Variants in TRIB2 observed in about 807,000 individuals in gnomAD.
TRIB2 encodes tribbles homolog 2.
A neutral mutation model predicts 26.8 loss-of-function variants in TRIB2; 2 were observed. The ratio of observed to expected loss-of-function variants is 0.07; its 90% CI spans 0.03 to 0.24. The LOEUF is 0.24. Among genes scored for constraint, TRIB2 ranks in the 10% least tolerant of loss-of-function variants. TRIB2 has a pLI of 1.00. For missense variants in TRIB2, 306 were observed against 449.0 expected, an observed-to-expected ratio of 0.68 and a Z score of 2.88; for synonymous variants, 189 against 187.3, an observed-to-expected ratio of 1.01 and a Z score of -0.08.
chr2:12,718,295 G>T lies in TRIB2; in HGVS notation c.-13G>T. The T allele has an allele frequency of 1.2e-6, 2 of 1,600,606 alleles. No homozygotes were observed. The highest frequency in any genetic ancestry group is 1.1e-5 in the South Asian group (1 of 90,336). ...GGGTTTTTTTTTGTTTGTCGTGTGCGATCCTCACACTCATGAACATACACA... is the reference window on the plus strand; with the variant it reads ...GGGTTTTTTTTTGTTTGTCGTGTGCTATCCTCACACTCATGAACATACACA... On this transcript the variant is annotated 5_prime_UTR_variant, in exon 1 of 3. Transcript: ENST00000155926. This position sits in a 1 kb window ranked among gnomAD's most constrained non-coding sequence, Gnocchi z 4.0.
Position 12,723,334 on chromosome 2 carries a change from A to G in TRIB2, c.345A>G (p.Gln115=). The G allele has an allele frequency of 6.2e-7, 1 of 1,614,232 alleles. No homozygotes were observed. Among genetic ancestry groups the G allele is most frequent in the Non-Finnish European group, 8.5e-7 (1 of 1,180,050 alleles). Residue 115 remains glutamine (Q), a synonymous_variant, in exon 2 of 3, where the codon CAA becomes CAG. Transcript: ENST00000155926. ...FCLSAHSNIN[Q]ITEIILGETK... ...TGTCTGCTCATAGTAACATCAACCA[A>G]ATCACTGAAATTATCCTGGGTGAGA...
At chr2:12,722,866 A>T (rs1661253998) in intron 1 of TRIB2, among the ~76,000 whole-genome samples, 1 of 152,016 alleles carries the variant, frequency 6.6e-6, no homozygotes, top group Non-Finnish European at 1.5e-5. Flanking sequence ...AGTGTTGTTG[A>T]TGTCATTGAG....
rs147855180 is a variant in TRIB2 at position 12,735,613 on chromosome 2, C to G, written c.564-4713C>G. 2.0e-5 allele frequency among the ~76,000 whole-genome samples: 3 copies of G among 152,290 alleles called. No homozygotes were observed. In the East Asian group the frequency reaches 5.8e-4, roughly 29 times the overall value. ...CTGCCTTGGAAATGGATCTCCTAAACTTTAAAGAGACTATATGTGTAAGTG... is the reference window on the plus strand; with the variant it reads ...CTGCCTTGGAAATGGATCTCCTAAAGTTTAAAGAGACTATATGTGTAAGTG... On this transcript the variant is annotated intron_variant, in intron 2 of 2. Transcript: ENST00000155926.
chr2:12,739,709 C>T (rs1661668735), intron 2 of TRIB2, among the ~76,000 whole-genome samples: 1 of 152,350 alleles, frequency 6.6e-6, no homozygotes, highest in South Asian at 2.1e-4. Flanking sequence ...GGGATCAAGT[C>T]TTCTCCATTT....
Position 12,732,631 on chromosome 2 carries a change from A to G in TRIB2, c.564-7695A>G, listed in dbSNP as rs1246549091. 6.6e-6 allele frequency among the ~76,000 whole-genome samples: 1 copy of G among 152,226 alleles called. No individual in the cohort carries two copies. The highest frequency in any genetic ancestry group is 1.9e-4 in the East Asian group (1 of 5,194). On this transcript the variant is annotated intron_variant, in intron 2 of 2. Transcript: ENST00000155926. This position sits in a 1 kb window ranked among gnomAD's most constrained non-coding sequence, Gnocchi z 4.2. ...GACTGTTGGAAAAGTCTGTGCATACATGAACCAGAATTAAGTGAACGACAA... is the reference window on the plus strand; with the variant it reads ...GACTGTTGGAAAAGTCTGTGCATACGTGAACCAGAATTAAGTGAACGACAA...
chr2:12,724,946 G>T, intron 2 of TRIB2: 3 of 1,394,720 alleles, frequency 2.2e-6, no homozygotes, highest in Non-Finnish European at 2.8e-6. Context: ...AAAAATAAGA[G>T]GTCATATTTG....
chr2:12,721,315 CA>C (rs1661211408), intron 1 of TRIB2, among the ~76,000 whole-genome samples: 1 of 152,110 alleles, frequency 6.6e-6, no homozygotes, highest in Non-Finnish European at 1.5e-5. Context: ...AAGTGCTGAG[CA>C]AAAGTCACCT....
At chr2:12,734,977 G>A (rs751933433) in intron 2 of TRIB2, among the ~76,000 whole-genome samples, 1 of 152,154 alleles carries the variant, frequency 6.6e-6, no homozygotes, top group South Asian at 2.1e-4. Flanking sequence ...GACCGTGACT[G>A]GCAGCCCTCT....
chr2:12,733,331 C>T (rs1661496930), intron 2 of TRIB2, among the ~76,000 whole-genome samples: 1 of 152,192 alleles, frequency 6.6e-6, no homozygotes, highest in East Asian at 1.9e-4. Flanking sequence ...TAAACTGCAC[C>T]AGATTTGCCT....
At position 12,717,586 on chromosome 2, in the gene TRIB2, T is replaced by C; in HGVS notation, c.-722T>C. The stretch of plus-strand genomic sequence containing the variant: ...GTTGGCAGCGCTGACCGCACCAAGT[T>C]AAATGCTCCCTTGCAATTTTTCTTT... On this transcript the variant is annotated 5_prime_UTR_variant, in exon 1 of 3. Transcript: ENST00000155926. The surrounding 1 kb of genome is among the most constrained non-coding windows in gnomAD (Gnocchi z 4.8). The C allele has an allele frequency of 2.5e-6, 1 of 397,986 alleles. No individual in the cohort carries two copies. Among genetic ancestry groups the C allele is most frequent in the Non-Finnish European group, 4.4e-6 (1 of 225,784 alleles). 24.7% of individuals were successfully genotyped at this position (397,986 alleles called of 1,614,324 possible). A position where few individuals can be genotyped will look rare whatever the true frequency, so the allele number is the denominator to read the frequency against.
chr2:12,717,378 G>A lies in TRIB2; in HGVS notation c.-930G>A. The A allele has an allele frequency of 7.5e-6, 3 of 398,466 alleles. No individual in the cohort carries two copies. Among genetic ancestry groups the A allele is most frequent in the Non-Finnish European group, 1.3e-5 (3 of 226,006 alleles). 24.7% of individuals were successfully genotyped at this position (398,466 alleles called of 1,614,324 possible). A position where few individuals can be genotyped will look rare whatever the true frequency, so the allele number is the denominator to read the frequency against. Reference sequence around the variant, plus strand: ...GCTCGTGCCGGCGAAATCGGAGACCGCCGATCTGTCCTCGTTCTCTCCTGC... The same window carrying A: ...GCTCGTGCCGGCGAAATCGGAGACCACCGATCTGTCCTCGTTCTCTCCTGC... On this transcript the variant is annotated 5_prime_UTR_variant, in exon 1 of 3. Coordinates refer to ENST00000155926, the MANE Select transcript of TRIB2 (RefSeq NM_021643.4). This position sits in a 1 kb window ranked among gnomAD's most constrained non-coding sequence, Gnocchi z 4.8.
Position 12,718,375 on chromosome 2 carries a change from A to G in TRIB2, c.68A>G (p.Asp23Gly). 1.9e-6 allele frequency: 3 copies of G among 1,614,114 alleles called. No individual in the cohort carries two copies. Among genetic ancestry groups the G allele is most frequent in the Non-Finnish European group, 2.5e-6 (3 of 1,180,012 alleles). The change falls in exon 1 of 3, where the codon GAT (aspartate) becomes GGT (glycine). Residue 23 changes from aspartate (D) to glycine (G), a missense_variant. This residue lies in a region of TRIB2 where 99 missense variants were observed against 106.5 expected (regional missense o/e 0.93). Transcript: ENST00000155926. The surrounding 1 kb of genome is among the most constrained non-coding windows in gnomAD (Gnocchi z 4.0). ...GGGAGATCGCGGAACAAAACCCAGG[A>G]TTTCGAAGAGTTGTCGTCTATAAGG... ...RYGRSRNKTQDFEELSSIRSA... is the reference protein window; with the variant it reads ...RYGRSRNKTQGFEELSSIRSA...
intron 1 of TRIB2, among the ~76,000 whole-genome samples, chr2:12,722,136 G>A (rs539367102): frequency 4.6e-5 from 7 of 152,246 alleles, no homozygotes; most frequent in African/African-American, 1.4e-4. Context: ...CAAGGTTGCC[G>A]ACTTCCAGTC....
intron 1 of TRIB2, among the ~76,000 whole-genome samples, chr2:12,722,581 A>T (rs1443000398): frequency 6.6e-6 from 1 of 152,226 alleles, no homozygotes; most frequent in Non-Finnish European, 1.5e-5. Flanking sequence ...AAATCATTGC[A>T]TAACTGGTTC....
intron 2 of TRIB2, among the ~76,000 whole-genome samples, chr2:12,735,907 T>C (rs554696744): frequency 1.3e-5 from 2 of 152,264 alleles, no homozygotes; most frequent in Admixed American, 1.3e-4. Flanking sequence ...TTTGGCAGCA[T>C]GTGGGATGGT....
At chr2:12,730,127 C>T (rs751812806) in intron 2 of TRIB2, among the ~76,000 whole-genome samples, 5 of 152,118 alleles carry the variant, frequency 3.3e-5, no homozygotes, top group Admixed American at 2.0e-4. Context: ...TCTCATGAGA[C>T]CTACATTTCA....
Position 12,718,833 on chromosome 2 carries a change from C to T in TRIB2, c.270+256C>T, listed in dbSNP as rs1558313858. On this transcript the variant is annotated intron_variant, in intron 1 of 2. Transcript: ENST00000155926. The surrounding 1 kb of genome is among the most constrained non-coding windows in gnomAD (Gnocchi z 4.0). Reference sequence around the variant, plus strand: ...GGGCGGCGGGACTGCGCGGGGGCCACGGACACGCGTGCACCGAAGGCTCCA... The same window carrying T: ...GGGCGGCGGGACTGCGCGGGGGCCATGGACACGCGTGCACCGAAGGCTCCA... Among the ~76,000 whole-genome samples the T allele has an allele frequency of 6.6e-6, 1 of 152,100 alleles. No homozygotes were observed. The highest frequency in any genetic ancestry group is 2.4e-5 in the African/African-American group (1 of 41,398).
intron 2 of TRIB2, chr2:12,724,889 A>G: frequency 6.5e-7 from 1 of 1,535,072 alleles, no homozygotes; most frequent in African/African-American, 1.4e-5. Flanking sequence ...TATTCTCTCT[A>G]CCCTTGTATG....
rs764153753 is a variant in TRIB2, at chr2:12,723,523, G to A, written c.534G>A (p.Leu178=). ...DGGLVLRDLK[L]RKFIFKDEER... ...GGCTGGTGCTGCGGGACCTCAAGCT[G>A]CGGAAATTCATCTTTAAGGACGAAG... The change falls in exon 2 of 3, where the codon CTG becomes CTA. Residue 178 remains leucine, a synonymous_variant. Transcript: ENST00000155926. The A allele has an allele frequency of 1.9e-5, 31 of 1,614,130 alleles. No individual in the cohort carries two copies. Among genetic ancestry groups the A allele is most frequent in the Non-Finnish European group, 2.6e-5 (31 of 1,179,998 alleles).
Sources: allele counts gnomAD v4.1 joint callset (sites outside exome capture counted in the v4.1 genomes callset), GRCh38; gene constraint gnomAD v4.1.1; regional missense constraint gnomAD v4.1.1; non-coding constraint Gnocchi (gnomAD v3.1); transcripts MANE v1.5; gene names NCBI Gene and HGNC (gene_info 2026-07-23, HGNC 2026-07-21).